Variants in CELSR2 observed in about 807,000 individuals in gnomAD.
CELSR2 encodes cadherin EGF LAG seven-pass G-type receptor 2.
A neutral mutation model predicts 251.6 loss-of-function variants in CELSR2; 81 were observed. That is an observed-to-expected ratio of 0.32 (90% CI 0.27 to 0.39). CELSR2 has a LOEUF of 0.39. Ranked by LOEUF, CELSR2 falls within the 10% of genes least tolerant of loss-of-function variation. The probability of loss-of-function intolerance (pLI) is 1.00; values close to 1 mark genes in which losing one functional copy is unlikely to be tolerated. For missense variants in CELSR2, 3,365 were observed against 3,947.7 expected (o/e 0.85, Z 3.96); for synonymous variants, 1,721 against 1,670.5 (o/e 1.03, Z -0.74).
In CELSR2 at chr1:109,269,443, A is replaced by G; in HGVS notation, c.6832A>G (p.Ile2278Val). 1.2e-6 allele frequency: 2 copies of G among 1,613,970 alleles called. No homozygotes were observed. Among genetic ancestry groups the G allele is most frequent in the Non-Finnish European group, 1.7e-6 (2 of 1,179,968 alleles). The change falls in exon 21 of 34, where the codon ATC (isoleucine) becomes GTC (valine). Residue 2278 changes from isoleucine to valine, a missense_variant. Coordinates refer to ENST00000271332, the MANE Select transcript of CELSR2 (RefSeq NM_001408.3). The surrounding 1 kb of genome is among the most constrained non-coding windows in gnomAD (Gnocchi z 6.4). The stretch of plus-strand genomic sequence containing the variant: ...CATCAGAGTCCCCAAACGCCCGATC[A>G]TCAACACACCCGTGGTGAGCATCAG... ...RSLRVPKRPI[I>V]NTPVVSISVH...
chr1:109,273,286 G>T lies in CELSR2; in HGVS notation c.8459G>T (p.Arg2820Leu), dbSNP rs535413124. 1 of 1,605,144 alleles carries T rather than the reference G, an allele frequency of 6.2e-7. No homozygotes were observed. The highest frequency in any genetic ancestry group is 2.2e-5 in the East Asian group (1 of 44,784). ...CGGGAGAATGGAGATGCCCTGTCTC[G>T]AGAGGGGTCCCTAGGCCCCCTTCCA... ...RLRENGDALS[R>L]EGSLGPLPGS... Residue 2820 changes from arginine to leucine, a missense_variant, in exon 32 of 34, where the codon CGA becomes CTA. Around this residue, in one of 5 missense-constraint regions of CELSR2, gnomAD observed 2,093 missense variants for 2,382.8 expected, o/e 0.88. Coordinates refer to ENST00000271332, the MANE Select transcript of CELSR2 (RefSeq NM_001408.3).
chr1:109,269,623 T>A lies in CELSR2; in HGVS notation c.6980+32T>A, dbSNP rs1656312074. ...CTGCACTGCCCTCGCCCCCTCAGGC[T>A]TCGGGCTGAAAGTCCAGGCCCCTGC... On this transcript the variant is annotated intron_variant, in intron 21 of 33. Coordinates refer to ENST00000271332, the MANE Select transcript of CELSR2 (RefSeq NM_001408.3). The surrounding 1 kb of genome is among the most constrained non-coding windows in gnomAD (Gnocchi z 6.4). 1.9e-5 allele frequency: 31 copies of A among 1,613,260 alleles called. No individual in the cohort carries two copies. The highest frequency in any genetic ancestry group is 2.6e-5 in the Non-Finnish European group (31 of 1,179,332).
Position 109,261,439 on chromosome 1 carries a change from C to T in CELSR2, c.4182-74C>T. ...TGCCAGCAGATCTCCCTCCCCTGCGCTGGTTAGGTGGCGGGGGTGCTGGCA... is the reference window on the plus strand; with the variant it reads ...TGCCAGCAGATCTCCCTCCCCTGCGTTGGTTAGGTGGCGGGGGTGCTGGCA... On this transcript the variant is annotated intron_variant, in intron 3 of 33. Coordinates refer to ENST00000271332, the MANE Select transcript of CELSR2 (RefSeq NM_001408.3). This position sits in a 1 kb window ranked among gnomAD's most constrained non-coding sequence, Gnocchi z 4.8. The T allele has an allele frequency of 6.9e-7, 1 of 1,453,628 alleles. No individual in the cohort carries two copies. Among genetic ancestry groups the T allele is most frequent in the East Asian group, 2.3e-5 (1 of 44,018 alleles). The allele number at this position is 1,453,628 out of a possible 1,614,324, so 90.0% of individuals were successfully genotyped here.
Position 109,269,706 on chromosome 1 carries a change from A to G in CELSR2, c.6993A>G (p.Thr2331=). The change falls in exon 22 of 34, where the codon ACA becomes ACG. Residue 2331 remains threonine (T), a synonymous_variant. Coordinates refer to ENST00000271332, the MANE Select transcript of CELSR2 (RefSeq NM_001408.3). The surrounding 1 kb of genome is among the most constrained non-coding windows in gnomAD (Gnocchi z 6.4). ...CTTCCTCACACAGGGTCAGTGGCAC[A>G]GGTGGCTGGTCGGCCAGAGGCTGTG... ...FWNHSILVSG[T]GGWSARGCEV... 3 of 1,614,108 alleles carry G rather than the reference A, an allele frequency of 1.9e-6. No homozygotes were observed. The highest frequency in any genetic ancestry group is 1.7e-6 in the Non-Finnish European group (2 of 1,180,032).
chr1:109,267,680 T>G (rs1193839047), intron 16 of CELSR2, 38 bp downstream of exon 16: 3 of 1,609,076 alleles, frequency 1.9e-6, no homozygotes. Context: ...TTCCCTGTCC[T>G]TCGTCCTGAG....
Position 109,263,477 on chromosome 1 carries a change from G to T in CELSR2, c.4835-134G>T, listed in dbSNP as rs1656084925. Reference sequence around the variant, plus strand: ...ACAGCGTGGGGCGGTCCCAGGGCAGGTACGCACTTTGGAGGGCGGGGCTGA... The same window carrying T: ...ACAGCGTGGGGCGGTCCCAGGGCAGTTACGCACTTTGGAGGGCGGGGCTGA... On this transcript the variant is annotated intron_variant, in intron 8 of 33. Coordinates refer to ENST00000271332, the MANE Select transcript of CELSR2 (RefSeq NM_001408.3). The T allele has an allele frequency of 2.1e-6, 3 of 1,412,456 alleles. No homozygotes were observed. The Admixed American group carries it at 6.2e-5, about 29-fold the overall frequency. The allele number at this position is 1,412,456 out of a possible 1,614,324, so 87.5% of individuals were successfully genotyped here. A position where few individuals can be genotyped will look rare whatever the true frequency, so the allele number is the denominator to read the frequency against.
chr1:109,265,157 G>T, intron 12 of CELSR2, 34 bp from the exon 13 acceptor site: 1 of 1,578,166 alleles, frequency 6.3e-7, no homozygotes, highest in Non-Finnish European at 8.6e-7. Flanking sequence ...GAGTGGCAGG[G>T]GGAGCTCATG....
chr1:109,265,411 G>C lies in CELSR2; in HGVS notation c.5727+100G>C, dbSNP rs1335408969. The C allele has an allele frequency of 6.8e-6, 9 of 1,326,602 alleles. No homozygotes were observed. The Admixed American group carries it at 7.2e-5, about 11-fold the overall frequency. 82.2% of individuals were successfully genotyped at this position (1,326,602 alleles called of 1,614,324 possible). A position where few individuals can be genotyped will look rare whatever the true frequency, so the allele number is the denominator to read the frequency against. The stretch of plus-strand genomic sequence containing the variant: ...CTGTAGGGATGGGTCTTCCTGTAGA[G>C]CTGAGGGCCTTGTGCCTTTGCTCTC... On this transcript the variant is annotated intron_variant, in intron 13 of 33. Coordinates refer to ENST00000271332, the MANE Select transcript of CELSR2 (RefSeq NM_001408.3).
At position 109,258,821 on chromosome 1, in the gene CELSR2, C is replaced by T. The variant is rs573034860; in HGVS notation, c.3700C>T (p.Arg1234Trp). The T allele has an allele frequency of 8.1e-6, 13 of 1,612,024 alleles. No homozygotes were observed. The highest frequency in any genetic ancestry group is 8.0e-5 in the African/African-American group (6 of 75,024). Reference sequence around the variant, plus strand: ...GCCCTTCGACGACAACATCTGCCTGCGGGAGCCCTGCGAGAACTACATGCG... The same window carrying T: ...GCCCTTCGACGACAACATCTGCCTGTGGGAGCCCTGCGAGAACTACATGCG... Reference protein sequence around the residue: ...VLPFDDNICLREPCENYMRCV... With the variant: ...VLPFDDNICLWEPCENYMRCV... The change falls in exon 2 of 34, where the codon CGG becomes TGG. Residue 1234 changes from arginine (R) to tryptophan (W), a missense_variant. Transcript: ENST00000271332.
rs1656133667 is a variant in CELSR2, at chr1:109,264,475, C to A, written c.5311C>A (p.Pro1771Thr). The A allele has an allele frequency of 6.2e-7, 1 of 1,613,748 alleles. No individual in the cohort carries two copies. The highest frequency in any genetic ancestry group is 1.3e-5 in the African/African-American group (1 of 75,050). The change falls in exon 11 of 34, where the codon CCG becomes ACG. Residue 1771 changes from proline to threonine, a missense_variant. By Grantham distance (38) the Pro-to-Thr change is conservative (BLOSUM62 -1). Coordinates refer to ENST00000271332, the MANE Select transcript of CELSR2 (RefSeq NM_001408.3). ...CCAGGGTGTGCGGGTGAGCGATACG[C>A]CGGAGGGGGTTAACAGCCTGGATCC... Reference protein sequence around the residue: ...CLQGVRVSDTPEGVNSLDPSH... With the variant: ...CLQGVRVSDTTEGVNSLDPSH...
rs149656610 is a variant in CELSR2 at position 109,252,904 on chromosome 1, G to A, written c.2825G>A (p.Arg942Gln). ...ENSPIGLAVA[R>Q]VTATDPDEGT... ...AGCCCCATTGGGCTAGCCGTGGCCC[G>A]GGTCACAGCCACTGACCCCGATGAA... is the stretch of plus-strand genomic sequence containing the variant. Residue 942 changes from arginine (R) to glutamine (Q), a missense_variant, in exon 1 of 34, where the codon CGG (arginine) becomes CAG (glutamine). This residue lies in a region of CELSR2 where 505 missense variants were observed against 660.0 expected (regional missense o/e 0.77). Coordinates refer to ENST00000271332, the MANE Select transcript of CELSR2 (RefSeq NM_001408.3). The surrounding 1 kb of genome is among the most constrained non-coding windows in gnomAD (Gnocchi z 4.8). 1.2e-5 allele frequency: 20 copies of A among 1,612,300 alleles called. No homozygotes were observed. The highest frequency in any genetic ancestry group is 4.0e-5 in the African/African-American group (3 of 74,904).
At chr1:109,253,901 C>G (rs1396771820) in intron 1 of CELSR2, among the ~76,000 whole-genome samples, 1 of 152,266 alleles carries the variant, frequency 6.6e-6, no homozygotes, top group African/African-American at 2.4e-5. Flanking sequence ...TAGTCCTCTT[C>G]TGGCCCCTTT....
Position 109,265,758 on chromosome 1 carries a change from C to T in CELSR2, c.5751C>T (p.Gly1917=). 6.2e-7 allele frequency: 1 copy of T among 1,612,158 alleles called. No homozygotes were observed. Among genetic ancestry groups the T allele is most frequent in the South Asian group, 1.1e-5 (1 of 91,062 alleles). The change falls in exon 14 of 34, where the codon GGC becomes GGT. Residue 1917 remains glycine (G), a synonymous_variant. Transcript: ENST00000271332. The part of the protein sequence containing the change: ...HCKENHYRPP[G]SPTCLLCDCY... ...AGGAGAACCACTACCGGCCCCCAGG[C>T]AGCCCCACCTGCCTCTTGTGTGACT...
chr1:109,270,034 C>A lies in CELSR2; in HGVS notation c.7209C>A (p.Ile2403=). The A allele has an allele frequency of 5.0e-6, 8 of 1,614,122 alleles. No homozygotes were observed. The highest frequency in any genetic ancestry group is 6.8e-6 in the Non-Finnish European group (8 of 1,180,028). ...LTFFFLTLLR[I]LRSNQHGIRR... is the part of the protein sequence containing the mutation. Reference sequence around the variant, plus strand: ...TCTTCTTCCTCACTCTCTTGCGTATCCTGCGCTCCAACCAACACGGCATCC... The same window carrying A: ...TCTTCTTCCTCACTCTCTTGCGTATACTGCGCTCCAACCAACACGGCATCC... The change falls in exon 23 of 34, where the codon ATC becomes ATA. Residue 2403 remains isoleucine, a synonymous_variant. Coordinates refer to ENST00000271332, the MANE Select transcript of CELSR2 (RefSeq NM_001408.3).
chr1:109,270,639 C>T (rs760124904), intron 24 of CELSR2, 39 bp downstream of exon 24: 16 of 1,601,470 alleles, frequency 1.0e-5, no homozygotes, highest in Non-Finnish European at 1.4e-5. Flanking sequence ...TCCCACATCC[C>T]TGGGTCCACC....
chr1:109,253,878 G>A (rs1655774780), intron 1 of CELSR2, among the ~76,000 whole-genome samples: 1 of 152,240 alleles, frequency 6.6e-6, no homozygotes, highest in African/African-American at 2.4e-5. Context: ...GCCACCCAGG[G>A]GTCAGGACCC....
Position 109,253,271 on chromosome 1 carries a change from T to C in CELSR2, c.3192T>C (p.Phe1064=), listed in dbSNP as rs138976507. Residue 1064 remains phenylalanine (F), a synonymous_variant, in exon 1 of 34, where the codon TTT becomes TTC. Coordinates refer to ENST00000271332, the MANE Select transcript of CELSR2 (RefSeq NM_001408.3). Reference sequence around the variant, plus strand: ...TCTCAGATAGTCTGACTTACAGCTTTGAGCGGGGAAATGAACTCAGCCTGG... The same window carrying C: ...TCTCAGATAGTCTGACTTACAGCTTCGAGCGGGGAAATGAACTCAGCCTGG... ...PDISDSLTYS[F]ERGNELSLVL... 1.0e-4 allele frequency: 164 copies of C among 1,613,354 alleles called. No individual in the cohort carries two copies. Among genetic ancestry groups the C allele is most frequent in the Admixed American group, 1.0e-4 (6 of 60,008 alleles).
intron 1 of CELSR2, among the ~76,000 whole-genome samples, chr1:109,254,234 AC>A (rs1229480040): frequency 6.6e-6 from 1 of 152,144 alleles, no homozygotes; most frequent in African/African-American, 2.4e-5. Flanking sequence ...GAGTGTAGGG[AC>A]CAGGACAGGC....
Position 109,271,633 on chromosome 1 carries a change from A to G in CELSR2, c.7837A>G (p.Ser2613Gly), listed in dbSNP as rs774405902. ...CATCTTCCTCTCCTATGTGGTGCTT[A>G]GCAAGGAGGTCCGGAAAGCACTCAA... ...PFIFLSYVVL[S>G]KEVRKALKLA... The change falls in exon 28 of 34, where the codon AGC becomes GGC. Residue 2613 changes from serine (S) to glycine (G), a missense_variant. Around this residue, in one of 5 missense-constraint regions of CELSR2, gnomAD observed 2,093 missense variants for 2,382.8 expected, o/e 0.88. Transcript: ENST00000271332. 7 of 1,614,044 alleles carry G rather than the reference A, an allele frequency of 4.3e-6. No homozygotes were observed. The highest frequency in any genetic ancestry group is 5.9e-6 in the Non-Finnish European group (7 of 1,180,022).
Sources: gnomAD v4.1 joint callset for allele counts (sites outside exome capture counted in the v4.1 genomes callset) on GRCh38, gnomAD v4.1.1 for gene constraint, gnomAD v4.1.1 regional missense constraint, Gnocchi (gnomAD v3.1) non-coding constraint, MANE v1.5 for transcripts, NCBI Gene and HGNC (gene_info 2026-07-23, HGNC 2026-07-21) for gene names.